Variants in BMPR1B observed in about 807,000 individuals in gnomAD.
BMPR1B encodes the protein bone morphogenetic protein receptor type-1B.
In BMPR1B, 12 loss-of-function variants were observed where a neutral mutation model predicts 59.1. That is an observed-to-expected ratio of 0.20 (90% CI 0.13 to 0.33). The LOEUF (loss-of-function observed/expected upper bound fraction) is 0.33, where lower values mean the gene tolerates loss of function less well. Ranked by LOEUF, BMPR1B falls within the 10% of genes least tolerant of loss-of-function variation. The probability of loss-of-function intolerance (pLI) is 1.00; values close to 1 mark genes in which losing one functional copy is unlikely to be tolerated. For missense variants in BMPR1B, 550 were observed against 610.9 expected (o/e 0.90, Z 1.05); for synonymous variants, 237 against 207.3 (o/e 1.14, Z -1.23).
chr4:94,969,190 A>G (rs1730679201), intron 2 of BMPR1B, among the ~76,000 whole-genome samples: 1 of 151,896 alleles, frequency 6.6e-6, no homozygotes, highest in South Asian at 2.1e-4. Flanking sequence ...GCCCGCCACC[A>G]CACCTGGCTA....
At chr4:95,100,849 G>C (rs994318167) in intron 3 of BMPR1B, among the ~76,000 whole-genome samples, 1 of 152,044 alleles carries the variant, frequency 6.6e-6, no homozygotes, top group African/African-American at 2.4e-5. Flanking sequence ...ACGTGTTCTT[G>C]TTTCATGATA....
At chr4:94,874,153 A>ATGTG (rs780882102) in intron 1 of BMPR1B, among the ~76,000 whole-genome samples, 3 of 152,058 alleles carry the variant, frequency 2.0e-5, no homozygotes, top group South Asian at 4.2e-4. Context: ...ATATATGTGT[A>ATGTG]TGTGTGTGTA....
intron 2 of BMPR1B, among the ~76,000 whole-genome samples, chr4:94,953,753 G>T (rs1472708713): frequency 6.6e-6 from 1 of 152,056 alleles, no homozygotes; most frequent in Non-Finnish European, 1.5e-5. Context: ...CCGTTCTCGA[G>T]GAGTATCTCT....
intron 3 of BMPR1B, among the ~76,000 whole-genome samples, chr4:95,056,148 T>C (rs1726912230): frequency 6.6e-6 from 1 of 152,230 alleles, no homozygotes; most frequent in South Asian, 2.1e-4. Context: ...GAAGCTTTCT[T>C]ATGCTGCATT....
chr4:95,071,646 G>GTATATA (rs1179814583), intron 3 of BMPR1B, among the ~76,000 whole-genome samples: 179 of 86,532 alleles, frequency 2.1e-3, no homozygotes, highest in African/African-American at 7.6e-3. Context: ...GTGTGTGTGT[G>GTATATA]TGTGTGTATA....
intron 1 of BMPR1B, among the ~76,000 whole-genome samples, chr4:94,839,507 T>G (rs1724963461): frequency 6.7e-6 from 1 of 149,022 alleles, no homozygotes; most frequent in South Asian, 2.2e-4. Flanking sequence ...CCCTTTACCA[T>G]TATGTAATGG....
At chr4:95,044,376 G>T (rs1374472665) in intron 3 of BMPR1B, among the ~76,000 whole-genome samples, 1 of 152,156 alleles carries the variant, frequency 6.6e-6, no homozygotes, top group Non-Finnish European at 1.5e-5. Flanking sequence ...CTTGATTGAT[G>T]CCCAGAACAT....
chr4:94,817,407 C>G (rs1724050983), intron 1 of BMPR1B, among the ~76,000 whole-genome samples: 1 of 152,100 alleles, frequency 6.6e-6, no homozygotes, highest in Non-Finnish European at 1.5e-5. Flanking sequence ...TACGTTATAT[C>G]AGTTTTATAG....
intron 3 of BMPR1B, among the ~76,000 whole-genome samples, chr4:95,088,905 T>TAG (rs1454367663): frequency 6.6e-6 from 1 of 152,098 alleles, no homozygotes; most frequent in South Asian, 2.1e-4. Context: ...ACATAGAAGA[T>TAG]AGAGGATTCT....
intron 2 of BMPR1B, among the ~76,000 whole-genome samples, chr4:94,898,572 C>T (rs1017104001): frequency 6.6e-6 from 1 of 152,052 alleles, no homozygotes; most frequent in Non-Finnish European, 1.5e-5. Context: ...GACGTGTTTG[C>T]TTCCTCTTCC....
chr4:94,835,078 A>G (rs1298739900), intron 1 of BMPR1B, among the ~76,000 whole-genome samples: 3 of 152,024 alleles, frequency 2.0e-5, no homozygotes, highest in African/African-American at 7.2e-5. Context: ...TTTAGTGGTT[A>G]TAGGAGTTAT....
intron 3 of BMPR1B, among the ~76,000 whole-genome samples, chr4:95,078,925 T>C (rs1728908711): frequency 6.6e-6 from 1 of 152,020 alleles, no homozygotes; most frequent in South Asian, 2.1e-4. Flanking sequence ...ACCTGGTTAA[T>C]TTTTGTATTT....
intron 3 of BMPR1B, among the ~76,000 whole-genome samples, chr4:95,047,349 ACT>A (rs1726131345): frequency 2.6e-5 from 4 of 152,114 alleles, no homozygotes; most frequent in Admixed American, 2.6e-4. Context: ...TTGGTTTTTA[ACT>A]CTTTTTTTAC....
In BMPR1B at chr4:95,155,377, A is replaced by G. The variant is rs1403663307; in HGVS notation, c.*704A>G. ...TGAAGGTTTATGTGACTCTAATAGA[A>G]GTAATTGTTGATAGGTGTTCTTCAG... On this transcript the variant is annotated 3_prime_UTR_variant, in exon 13 of 13. Coordinates refer to ENST00000515059, the MANE Select transcript of BMPR1B (RefSeq NM_001203.3). 6.6e-6 allele frequency: 1 copy of G among 151,274 alleles called. No homozygotes were observed. The highest frequency in any genetic ancestry group is 1.5e-5 in the Non-Finnish European group (1 of 67,922). 9.4% of individuals were successfully genotyped at this position (151,274 alleles called of 1,614,324 possible).
chr4:94,934,984 T>G (rs1729236860), intron 2 of BMPR1B, among the ~76,000 whole-genome samples: 1 of 152,176 alleles, frequency 6.6e-6, no homozygotes, highest in South Asian at 2.1e-4. Flanking sequence ...GTGTGTAGTG[T>G]GTTTTCATAA....
intron 1 of BMPR1B, among the ~76,000 whole-genome samples, chr4:94,835,572 T>A (rs1724774624): frequency 6.6e-6 from 1 of 152,214 alleles, no homozygotes; most frequent in Admixed American, 6.5e-5. Flanking sequence ...TGACAGTCTC[T>A]TTGGTAACAA....
chr4:94,827,942 C>G (rs142314065), intron 1 of BMPR1B, among the ~76,000 whole-genome samples: 1 of 152,138 alleles, frequency 6.6e-6, no homozygotes, highest in Non-Finnish European at 1.5e-5. Flanking sequence ...TTTTCCTTTT[C>G]TCAGTTAACC....
chr4:95,059,644 TTCTA>T (rs1479738901), intron 3 of BMPR1B, among the ~76,000 whole-genome samples: 1 of 151,798 alleles, frequency 6.6e-6, no homozygotes, highest in African/African-American at 2.4e-5. Flanking sequence ...AAAAACAATT[TTCTA>T]TCTTTTTTTG....
intron 2 of BMPR1B, among the ~76,000 whole-genome samples, chr4:94,906,599 A>G (rs1350811964): frequency 2.6e-5 from 4 of 152,048 alleles, no homozygotes; most frequent in Non-Finnish European, 4.4e-5. Context: ...TGACACATAT[A>G]TACCTATGTA....
Sources: gnomAD v4.1 joint callset for allele counts (sites outside exome capture counted in the v4.1 genomes callset) on GRCh38, gnomAD v4.1.1 for gene constraint, MANE v1.5 for transcripts, NCBI Gene and HGNC (gene_info 2026-07-23, HGNC 2026-07-21) for gene names.